ALDH1L2: variants seen among roughly 807,000 people sequenced by gnomAD.
ALDH1L2 encodes aldehyde dehydrogenase 1 family member L2, also known as mitochondrial 10-formyltetrahydrofolate dehydrogenase.
ALDH1L2 carries 91 observed loss-of-function variants against 111.0 expected under a neutral mutation model. The ratio of observed to expected loss-of-function variants is 0.82; its 90% CI spans 0.69 to 0.98. ALDH1L2 has a LOEUF of 0.98. Ranked by LOEUF, ALDH1L2 falls within the 50% of genes least tolerant of loss-of-function variation. The probability of loss-of-function intolerance (pLI) is 0.00; values close to 1 mark genes in which losing one functional copy is unlikely to be tolerated. For missense variants in ALDH1L2, 995 were observed against 1,126.8 expected, an observed-to-expected ratio of 0.88 and a Z score of 1.67; for synonymous variants, 374 against 392.6, an observed-to-expected ratio of 0.95 and a Z score of 0.56.
chr12:105,081,899 A>G (rs1208916012), intron 1 of ALDH1L2, among the ~76,000 whole-genome samples: 1 of 152,240 alleles, frequency 6.6e-6, no homozygotes, highest in African/African-American at 2.4e-5. Flanking sequence ...TTTTAAAGAT[A>G]AAGGGATAAT....
chr12:105,038,835 G>A (rs1875347419), intron 17 of ALDH1L2, among the ~76,000 whole-genome samples: 1 of 152,086 alleles, frequency 6.6e-6, no homozygotes, highest in Non-Finnish European at 1.5e-5. Context: ...AAATGTTGTG[G>A]TCAAAAGTTA....
At chr12:105,041,889 G>A (rs577688770) in intron 15 of ALDH1L2, among the ~76,000 whole-genome samples, 1 of 152,122 alleles carries the variant, frequency 6.6e-6, no homozygotes, top group South Asian at 2.1e-4. Context: ...GCATTACATT[G>A]CTTTCAGGCC....
At chr12:105,025,585 TA>T (rs1050672266) in intron 22 of ALDH1L2, among the ~76,000 whole-genome samples, 1 of 152,166 alleles carries the variant, frequency 6.6e-6, no homozygotes, top group Non-Finnish European at 1.5e-5. Flanking sequence ...CAATGGAATT[TA>T]AAATGAGAGC....
intron 21 of ALDH1L2, among the ~76,000 whole-genome samples, chr12:105,029,024 A>AT (rs770703019): frequency 0.26 from 35,403 of 138,176 alleles, 5,675 homozygotes; most frequent in African/African-American, 0.46. Context: ...ATCTGCTTAA[A>AT]TTTTTTTTTT....
chr12:105,065,456 G>A, intron 5 of ALDH1L2, 100 bp from the exon 6 acceptor site: 1 of 915,050 alleles, frequency 1.1e-6, no homozygotes, highest in Non-Finnish European at 1.7e-6. Flanking sequence ...CTTGTTATTG[G>A]GAAATAAAGG....
At chr12:105,038,014 G>A (rs1405874246) in intron 18 of ALDH1L2, 89 bp downstream of exon 18, 37 of 1,038,846 alleles carry the variant, frequency 3.6e-5, no homozygotes, top group African/African-American at 4.8e-5. Context: ...TGATCCACCC[G>A]TCTTGGCCTC....
Position 105,047,259 on chromosome 12 carries a change from TAACAG to T in ALDH1L2, c.1687-295_1687-291del, listed in dbSNP as rs1875978104. Among the ~76,000 whole-genome samples, 3 of 152,196 alleles carry T rather than the reference TAACAG, an allele frequency of 2.0e-5. No individual in the cohort carries two copies. The South Asian group carries it at 6.2e-4, about 31-fold the overall frequency. On this transcript the variant is annotated intron_variant, in intron 13 of 22. Transcript: ENST00000258494. ...TATCCACTCTCCCCTCTGTCCTTAG[TAACAG>T]AATCCCTATATTAATAATGGGGACA... is the stretch of plus-strand genomic sequence containing the variant.
At chr12:105,078,318 G>A (rs1878168871) in intron 1 of ALDH1L2, among the ~76,000 whole-genome samples, 1 of 152,146 alleles carries the variant, frequency 6.6e-6, no homozygotes, top group Non-Finnish European at 1.5e-5. Context: ...AATTAGCTGG[G>A]CATGGTGGCG....
Position 105,061,716 on chromosome 12 carries a change from T to C in ALDH1L2, c.958A>G (p.Met320Val). 6.2e-7 allele frequency: 1 copy of C among 1,613,930 alleles called. No individual in the cohort carries two copies. The highest frequency in any genetic ancestry group is 8.5e-7 in the Non-Finnish European group (1 of 1,179,904). Reference sequence around the variant, plus strand: ...GAAAAGTACTGAGAGGCAGGGATCATTTTTCCATCTTCAAACTGCAGATTT... The same window carrying C: ...GAAAAGTACTGAGAGGCAGGGATCACTTTTCCATCTTCAAACTGCAGATTT... ...VRNLQFEDGK[M>V]IPASQYFSTG... The change falls in exon 8 of 23, where the codon ATG becomes GTG. Residue 320 changes from methionine to valine, a missense_variant. Met to Val is a conservative substitution (Grantham distance 21). Transcript: ENST00000258494.
At chr12:105,043,040 A>G (rs1230720046) in intron 15 of ALDH1L2, among the ~76,000 whole-genome samples, 1 of 152,222 alleles carries the variant, frequency 6.6e-6, no homozygotes, top group Non-Finnish European at 1.5e-5. Context: ...AAAGATATGA[A>G]ATAAATGAAC....
At chr12:105,057,856 T>C (rs1876730271) in intron 10 of ALDH1L2, among the ~76,000 whole-genome samples, 1 of 152,222 alleles carries the variant, frequency 6.6e-6, no homozygotes, top group Admixed American at 6.5e-5. Flanking sequence ...GTTCCAAAAT[T>C]GGATGGCATA....
At chr12:105,075,871 C>T (rs1233503854) in intron 1 of ALDH1L2, among the ~76,000 whole-genome samples, 3 of 152,112 alleles carry the variant, frequency 2.0e-5, no homozygotes, top group African/African-American at 7.2e-5. Flanking sequence ...CTGCAGCCTC[C>T]GCCTCCCGGG....
intron 15 of ALDH1L2, among the ~76,000 whole-genome samples, chr12:105,045,884 C>G (rs1875815919): frequency 6.6e-6 from 1 of 151,966 alleles, no homozygotes; most frequent in Admixed American, 6.6e-5. Context: ...TGCCTACTAC[C>G]TAGTAAAGTT....
Position 105,046,701 on chromosome 12 carries a change from T to G in ALDH1L2, c.1863+9A>C, listed in dbSNP as rs1875939764. 2 of 1,612,428 alleles carry G rather than the reference T, an allele frequency of 1.2e-6. No individual in the cohort carries two copies. Among genetic ancestry groups the G allele is most frequent in the African/African-American group, 2.7e-5 (2 of 74,902 alleles). ...AGGCAATTCTGCACCTGGCCCTTTG[T>G]GGCCTTACCTGTGCTGGCTTGAGCA... is the stretch of plus-strand genomic sequence containing the variant. On this transcript the variant is annotated intron_variant, in intron 15 of 22. Coordinates refer to ENST00000258494, the MANE Select transcript of ALDH1L2 (RefSeq NM_001034173.4).
chr12:105,070,896 A>G, intron 2 of ALDH1L2, 92 bp from the exon 3 acceptor site: 1 of 1,051,812 alleles, frequency 9.5e-7, no homozygotes, highest in Admixed American at 2.7e-5. Context: ...AGTTTCATGA[A>G]ATATTTACAA....
intron 21 of ALDH1L2, among the ~76,000 whole-genome samples, chr12:105,027,991 C>T (rs1189257826): frequency 6.6e-6 from 1 of 152,194 alleles, no homozygotes; most frequent in Admixed American, 6.5e-5. Context: ...ACTCTTTTCT[C>T]AGTTGAGTCG....
At chr12:105,072,109 A>G (rs1415878638) in intron 2 of ALDH1L2, among the ~76,000 whole-genome samples, 1 of 148,104 alleles carries the variant, frequency 6.8e-6, no homozygotes, top group Non-Finnish European at 1.5e-5. Context: ...TTAAGTGTAT[A>G]AAATATATAT....
In ALDH1L2 at chr12:105,020,185, CA is replaced by C. The variant is rs1874094623; in HGVS notation, c.*4238del. ...TACTCTTAGCCCAGATTTTCCTTGA[CA>C]GCTTTATTTTCTTGGAGGGCAGGTA... On this transcript the variant is annotated 3_prime_UTR_variant, in exon 23 of 23. Transcript: ENST00000258494. The C allele has an allele frequency of 6.6e-6, 1 of 152,202 alleles. No individual in the cohort carries two copies. The highest frequency in any genetic ancestry group is 2.4e-5 in the African/African-American group (1 of 41,462). The allele number at this position is 152,202 out of a possible 1,614,324, so 9.4% of individuals were successfully genotyped here.
At chr12:105,062,514 C>A (rs565005454) in intron 7 of ALDH1L2, among the ~76,000 whole-genome samples, 1 of 152,312 alleles carries the variant, frequency 6.6e-6, no homozygotes, top group African/African-American at 2.4e-5. Context: ...CAAGGGGCAT[C>A]TGAGGAGGGC....
Sources: gnomAD v4.1 joint callset for allele counts (sites outside exome capture counted in the v4.1 genomes callset) on GRCh38, gnomAD v4.1.1 for gene constraint, MANE v1.5 for transcripts, NCBI Gene and HGNC (gene_info 2026-07-23, HGNC 2026-07-21) for gene names.